ARHGEF18: variants seen among roughly 807,000 people sequenced by gnomAD.
ARHGEF18 encodes the protein Rho/Rac guanine nucleotide exchange factor 18, also known as rho guanine nucleotide exchange factor 18.
ARHGEF18 carries 93 observed loss-of-function variants against 155.7 expected under a neutral mutation model. The ratio of observed to expected loss-of-function variants is 0.60; its 90% CI spans 0.50 to 0.71. The LOEUF (loss-of-function observed/expected upper bound fraction) is 0.71, where lower values mean the gene tolerates loss of function less well. Among genes scored for constraint, ARHGEF18 ranks in the 30% least tolerant of loss-of-function variants. The pLI is 0.00. For synonymous variants in ARHGEF18, 742 were observed against 753.1 expected, an observed-to-expected ratio of 0.99 and a Z score of 0.24; for missense variants, 1,593 against 1,816.1, an observed-to-expected ratio of 0.88 and a Z score of 2.23.
At chr19:7,434,074 T>C (rs1246167371) in intron 10 of ARHGEF18, among the ~76,000 whole-genome samples, 1 of 149,760 alleles carries the variant, frequency 6.7e-6, no homozygotes, top group South Asian at 2.1e-4. Context: ...CCCAGTAAAG[T>C]AATGCAGGTG....
chr19:7,439,060 AT>A (rs1003134763), intron 10 of ARHGEF18, among the ~76,000 whole-genome samples: 3 of 150,972 alleles, frequency 2.0e-5, no homozygotes, highest in Non-Finnish European at 4.4e-5. Context: ...TGTATTTTTT[AT>A]TTTTTTTAAG....
chr19:7,474,849 C>A (rs1489532724), downstream of ARHGEF18, among the ~76,000 whole-genome samples: 1 of 151,752 alleles, frequency 6.6e-6, no homozygotes, highest in Non-Finnish European at 1.5e-5. Context: ...GCCTAGCTGA[C>A]CCCTCCACTG....
chr19:7,425,854 G>A lies in ARHGEF18; in HGVS notation c.968-14490G>A, dbSNP rs117001521. Among the ~76,000 whole-genome samples the A allele has an allele frequency of 1.5e-3, 235 of 151,940 alleles. 3 individuals carry two copies. In the East Asian group the frequency reaches 0.038, roughly 25 times the overall value. On this transcript the variant is annotated intron_variant, in intron 10 of 28. Coordinates refer to ENST00000668164, the MANE Select transcript of ARHGEF18 (RefSeq NM_001367823.1). The stretch of plus-strand genomic sequence containing the variant: ...GTCTCTACAAAAAACATAAAAATTA[G>A]CCAGACATATTGGTGTGTGCCCGTA...
At chr19:7,459,747 T>C (rs1976077597) in intron 19 of ARHGEF18, among the ~76,000 whole-genome samples, 156 bp from the exon 20 acceptor site, 1 of 152,190 alleles carries the variant, frequency 6.6e-6, no homozygotes, top group South Asian at 2.1e-4. Context: ...TCAGTGGCTC[T>C]CTCTCTTCCC....
intron 14 of ARHGEF18, 145 bp from the exon 15 acceptor site, chr19:7,446,895 CAAA>C (rs11329734): frequency 4.9e-3 from 3,393 of 696,844 alleles, no homozygotes; most frequent in Middle Eastern, 7.8e-3. Flanking sequence ...GATGCTGTCT[CAAA>C]AAAAAAAAAA....
intron 14 of ARHGEF18, among the ~76,000 whole-genome samples, chr19:7,446,137 C>T (rs1974972610): frequency 6.6e-6 from 1 of 152,120 alleles, no homozygotes; most frequent in African/African-American, 2.4e-5. Flanking sequence ...GTGGCTCACA[C>T]CTGTGACCCC....
At chr19:7,455,396 A>G (rs1360781472) in intron 17 of ARHGEF18, among the ~76,000 whole-genome samples, 1 of 152,230 alleles carries the variant, frequency 6.6e-6, no homozygotes, top group Non-Finnish European at 1.5e-5. Flanking sequence ...TGACTTAGAC[A>G]GGGGTGTTGG....
chr19:7,443,735 T>C (rs1364443854), intron 13 of ARHGEF18, among the ~76,000 whole-genome samples: 10 of 152,130 alleles, frequency 6.6e-5, no homozygotes, highest in Non-Finnish European at 1.5e-4. Flanking sequence ...CAGAACACTC[T>C]TCTTCCTAAA....
Position 7,416,752 on chromosome 19 carries a change from G to A in ARHGEF18, c.968-23592G>A, listed in dbSNP as rs373456370. On this transcript the variant is annotated intron_variant, in intron 10 of 28. Transcript: ENST00000668164. The stretch of plus-strand genomic sequence containing the variant: ...CGAGTAGCTGGGACTACAGGTGCCC[G>A]CCACCACGCCCAGCTAATTTTTTGT... Among the ~76,000 whole-genome samples, 42 of 147,214 alleles carry A rather than the reference G, an allele frequency of 2.9e-4. No homozygotes were observed. The East Asian group carries it at 4.3e-3, about 15-fold the overall frequency.
In ARHGEF18 at chr19:7,462,639, G is replaced by A. The variant is rs1976349584; in HGVS notation, c.2635+305G>A. On this transcript the variant is annotated intron_variant, in intron 21 of 28. Transcript: ENST00000668164. The surrounding 1 kb of genome is among the most constrained non-coding windows in gnomAD (Gnocchi z 4.4). ...AGCCGGGCCGTGGGGAGGATCTGAA[G>A]TTGACTAAGACTGGTTCCCTACCTA... Among the ~76,000 whole-genome samples, 1 of 148,184 alleles carries A rather than the reference G, an allele frequency of 6.7e-6. No homozygotes were observed. Among genetic ancestry groups the A allele is most frequent in the African/African-American group, 2.7e-5 (1 of 37,602 alleles).
chr19:7,385,982 C>G (rs1971046157), intron 10 of ARHGEF18, among the ~76,000 whole-genome samples: 1 of 120,484 alleles, frequency 8.3e-6, no homozygotes, highest in Non-Finnish European at 1.7e-5. Flanking sequence ...CCCTCTCTCC[C>G]TCTCTCTCTC....
chr19:7,382,465 G>T (rs1017305476), intron 8 of ARHGEF18, among the ~76,000 whole-genome samples: 3 of 151,564 alleles, frequency 2.0e-5, no homozygotes, highest in Non-Finnish European at 4.4e-5. Context: ...GGGGTGGGGG[G>T]CGTGAATTAG....
At chr19:7,451,079 A>T in intron 15 of ARHGEF18, 70 bp from the exon 16 acceptor site, 1 of 1,396,250 alleles carries the variant, frequency 7.2e-7, no homozygotes, top group Non-Finnish European at 1.0e-6. Context: ...TCCGTTTCTG[A>T]GATGTTAATA....
rs1555704468 is a variant in ARHGEF18, at chr19:7,385,870, T to TCTCTCTCTCTCTCTCTCTCC, written c.967+2668_967+2669insTCTCTCTCTCTCTCTCTCCC. On this transcript the variant is annotated intron_variant, in intron 10 of 28. Coordinates refer to ENST00000668164, the MANE Select transcript of ARHGEF18 (RefSeq NM_001367823.1). ...CTCTCTCTCTCTCTCTCTCTCTCTCTCCCCCCTCCCTCTCTCCCTCCCTCC... is the reference window on the plus strand; with the variant it reads ...CTCTCTCTCTCTCTCTCTCTCTCTCTCTCTCTCTCTCTCTCTCTCCCCCCCCTCCCTCTCTCCCTCCCTCC... Among the ~76,000 whole-genome samples the TCTCTCTCTCTCTCTCTCTCC allele has an allele frequency of 3.7e-4, 11 of 29,564 alleles. 1 individual carries two copies. Among genetic ancestry groups the TCTCTCTCTCTCTCTCTCTCC allele is most frequent in the African/African-American group, 1.7e-3 (9 of 5,292 alleles). 19.4% of individuals were successfully genotyped at this position (29,564 alleles called of 152,430 possible). A position where few individuals can be genotyped will look rare whatever the true frequency, so the allele number is the denominator to read the frequency against.
chr19:7,376,936 G>A (rs1970486817), intron 5 of ARHGEF18, among the ~76,000 whole-genome samples, 179 bp downstream of exon 5: 1 of 152,162 alleles, frequency 6.6e-6, no homozygotes, highest in African/African-American at 2.4e-5. Context: ...CAGGGACTGA[G>A]CAGAACGCTG....
At chr19:7,376,450 TGTGGCTGGGGAGGGG>T (rs935978049) in intron 4 of ARHGEF18, among the ~76,000 whole-genome samples, 178 bp from the exon 5 acceptor site, 3 of 152,034 alleles carry the variant, frequency 2.0e-5, no homozygotes, top group African/African-American at 7.2e-5. Context: ...ACTACAGCCC[TGTGGCTGGGGAGGGG>T]GTGGCTGAAC....
At chr19:7,389,281 G>A (rs1971255884) in intron 10 of ARHGEF18, among the ~76,000 whole-genome samples, 1 of 150,230 alleles carries the variant, frequency 6.7e-6, no homozygotes, top group Admixed American at 6.6e-5. Flanking sequence ...CTCCCAAGTA[G>A]CTGGGACTAG....
chr19:7,370,425 G>A (rs947319827), intron 2 of ARHGEF18, among the ~76,000 whole-genome samples: 1 of 152,042 alleles, frequency 6.6e-6, no homozygotes, highest in Non-Finnish European at 1.5e-5. Flanking sequence ...GAACCCGGGA[G>A]GTGGAGCTTG....
At chr19:7,412,124 C>A (rs1157124869) in intron 10 of ARHGEF18, among the ~76,000 whole-genome samples, 1 of 151,656 alleles carries the variant, frequency 6.6e-6, no homozygotes, top group African/African-American at 2.4e-5. Context: ...CAACCTCTGC[C>A]TCCCGGGTTC....
Sources: allele counts gnomAD v4.1 joint callset (sites outside exome capture counted in the v4.1 genomes callset), GRCh38; gene constraint gnomAD v4.1.1; non-coding constraint Gnocchi (gnomAD v3.1); transcripts MANE v1.5; gene names NCBI Gene and HGNC (gene_info 2026-07-23, HGNC 2026-07-21).